BORCS5: variants seen among roughly 807,000 people sequenced by gnomAD.
The protein encoded by BORCS5 is BLOC-1 related complex subunit 5.
BORCS5 carries 17 observed loss-of-function variants against 22.1 expected under a neutral mutation model. The observed-to-expected ratio is 0.77, with a 90% confidence interval of 0.53 to 1.15. The LOEUF (loss-of-function observed/expected upper bound fraction) is 1.15. Among genes scored for constraint, BORCS5 ranks in the 50% most tolerant of loss-of-function variants. The pLI is 0.00. For missense variants in BORCS5, 247 were observed against 253.2 expected (o/e 0.98, Z 0.17); for synonymous variants, 117 against 99.8 (o/e 1.17, Z -1.03).
At chr12:12,358,233 G>A (rs978843487) in intron 1 of BORCS5, among the ~76,000 whole-genome samples, 10 of 152,238 alleles carry the variant, frequency 6.6e-5, no homozygotes, top group African/African-American at 2.4e-4. Flanking sequence ...GGAGTGCTTT[G>A]GTTAAGCTCC....
At chr12:12,387,599 C>T (rs1194477344) in intron 2 of BORCS5, among the ~76,000 whole-genome samples, 3 of 151,436 alleles carry the variant, frequency 2.0e-5, no homozygotes, top group African/African-American at 7.3e-5. Flanking sequence ...GCATAGTGTT[C>T]CAGGTGTGGA....
chr12:12,376,235 C>CTT (rs538292018), intron 2 of BORCS5, among the ~76,000 whole-genome samples: 7 of 136,282 alleles, frequency 5.1e-5, no homozygotes, highest in African/African-American at 1.1e-4. Context: ...GCTCTTCAGT[C>CTT]TTTTTTTTTT....
At position 12,399,086 on chromosome 12, in the gene BORCS5, A is replaced by AG. The variant is rs1301596252; in HGVS notation, c.203-36536dup. Reference sequence around the variant, plus strand: ...CTTCCAGATTACCTCTGTGTGTTTCAGGGGGGCTAAAACAGTATGTGTTTT... The same window carrying AG: ...CTTCCAGATTACCTCTGTGTGTTTCAGGGGGGGCTAAAACAGTATGTGTTTT... On this transcript the variant is annotated intron_variant, in intron 2 of 3. Coordinates refer to ENST00000314565, the MANE Select transcript of BORCS5 (RefSeq NM_058169.6). 3.3e-5 allele frequency among the ~76,000 whole-genome samples: 5 copies of AG among 152,220 alleles called. No homozygotes were observed. In the East Asian group the frequency reaches 7.7e-4, roughly 24 times the overall value.
chr12:12,439,554 G>A (rs1248643451), intron 3 of BORCS5, among the ~76,000 whole-genome samples: 1 of 115,612 alleles, frequency 8.6e-6, no homozygotes, highest in African/African-American at 3.3e-5. Flanking sequence ...TTTGAGCTCA[G>A]GAGGCAGAGG....
At chr12:12,427,647 A>G (rs1305872130) in intron 2 of BORCS5, among the ~76,000 whole-genome samples, 1 of 152,196 alleles carries the variant, frequency 6.6e-6, no homozygotes, top group Non-Finnish European at 1.5e-5. Flanking sequence ...GGCTCCTATA[A>G]CAGAATACCA....
At chr12:12,361,468 T>C in intron 2 of BORCS5, 119 bp downstream of exon 2, 1 of 1,129,814 alleles carries the variant, frequency 8.9e-7, no homozygotes, top group Non-Finnish European at 1.3e-6. Flanking sequence ...TTTGCTTAAA[T>C]GGCATCTTCT....
rs1277647331 is a variant in BORCS5, at chr12:12,361,292, A to G, written c.145A>G (p.Asn49Asp). 3 of 1,614,184 alleles carry G rather than the reference A, an allele frequency of 1.9e-6. No individual in the cohort carries two copies. The highest frequency in any genetic ancestry group is 2.5e-6 in the Non-Finnish European group (3 of 1,180,036). ...QGSQASRNVS[N>D]DPDVIKLQEI... ...CTCCCAGGCCTCACGGAACGTCAGC[A>G]ACGATCCCGATGTCATCAAGTTGCA... is the stretch of plus-strand genomic sequence containing the variant. Residue 49 changes from asparagine (N) to aspartate (D), a missense_variant, in exon 2 of 4, where the codon AAC (asparagine) becomes GAC (aspartate). Transcript: ENST00000314565.
intron 2 of BORCS5, among the ~76,000 whole-genome samples, chr12:12,395,151 T>C (rs142183341): frequency 2.6e-5 from 4 of 151,614 alleles, no homozygotes; most frequent in African/African-American, 9.7e-5. Flanking sequence ...GGCAAGAGAG[T>C]CTGAGCAAAG....
chr12:12,417,861 C>T (rs1942009389), intron 2 of BORCS5, among the ~76,000 whole-genome samples: 2 of 151,856 alleles, frequency 1.3e-5, no homozygotes, highest in African/African-American at 4.8e-5. Context: ...GGGCTGGTCT[C>T]GAACTCCTGA....
At chr12:12,453,617 ATCTG>A (rs1393022288) in intron 3 of BORCS5, among the ~76,000 whole-genome samples, 1 of 152,234 alleles carries the variant, frequency 6.6e-6, no homozygotes. Flanking sequence ...CATTACTGGT[ATCTG>A]TCGGGGGTCT....
At chr12:12,430,083 A>G (rs921756376) in intron 2 of BORCS5, among the ~76,000 whole-genome samples, 10 of 152,000 alleles carry the variant, frequency 6.6e-5, no homozygotes, top group African/African-American at 2.4e-4. Context: ...TAAAAAGATA[A>G]GCAAAACGTG....
chr12:12,357,607 C>A, intron 1 of BORCS5, 98 bp downstream of exon 1: 3 of 1,321,780 alleles, frequency 2.3e-6, no homozygotes, highest in Non-Finnish European at 2.1e-6. Context: ...GACGGGAACG[C>A]ACAGAAAAAG....
In BORCS5 at chr12:12,441,510, C is replaced by T. The variant is rs151250682; in HGVS notation, c.360+5725C>T. Among the ~76,000 whole-genome samples, 444 of 151,466 alleles carry T rather than the reference C, an allele frequency of 2.9e-3. 3 individuals are homozygous for T. Among genetic ancestry groups the T allele is most frequent in the African/African-American group, 8.9e-3 (366 of 41,082 alleles). On this transcript the variant is annotated intron_variant, in intron 3 of 3. Coordinates refer to ENST00000314565, the MANE Select transcript of BORCS5 (RefSeq NM_058169.6). ...ATTCTTGGTACAGTTCTAGGGACCACGCCTGCCATGTAGTAGACACTGTAG... is the reference window on the plus strand; with the variant it reads ...ATTCTTGGTACAGTTCTAGGGACCATGCCTGCCATGTAGTAGACACTGTAG...
At chr12:12,446,169 C>T (rs1048274977) in intron 3 of BORCS5, among the ~76,000 whole-genome samples, 25 of 151,976 alleles carry the variant, frequency 1.6e-4, no homozygotes, top group Admixed American at 1.4e-3. Context: ...AGAATCCCTC[C>T]TTCAGAGACC....
intron 2 of BORCS5, among the ~76,000 whole-genome samples, chr12:12,420,013 G>T (rs1160621604): frequency 6.6e-6 from 1 of 151,966 alleles, no homozygotes; most frequent in Non-Finnish European, 1.5e-5. Context: ...CACTCTGATG[G>T]TAGTTTCTTT....
intron 3 of BORCS5, among the ~76,000 whole-genome samples, chr12:12,455,911 CTG>C (rs1339458022): frequency 1.1e-4 from 17 of 151,876 alleles, no homozygotes; most frequent in African/African-American, 3.6e-4. Flanking sequence ...ATTTTGTTAA[CTG>C]TGAAACACAG....
At chr12:12,458,654 C>G (rs1943042736) in intron 3 of BORCS5, among the ~76,000 whole-genome samples, 1 of 148,062 alleles carries the variant, frequency 6.8e-6, no homozygotes, top group Non-Finnish European at 1.5e-5. Flanking sequence ...TCTTGACTCA[C>G]TGCAACTTCT....
intron 2 of BORCS5, among the ~76,000 whole-genome samples, chr12:12,373,978 ATTC>A (rs1456676414): frequency 1.6e-4 from 19 of 116,770 alleles, no homozygotes; most frequent in Admixed American, 8.1e-4. Context: ...TGCAGAGAGT[ATTC>A]TTTTTTTTTT....
At chr12:12,451,395 C>A (rs1216706104) in intron 3 of BORCS5, among the ~76,000 whole-genome samples, 1 of 152,066 alleles carries the variant, frequency 6.6e-6, no homozygotes, top group Non-Finnish European at 1.5e-5. Flanking sequence ...TAAGGAATGC[C>A]GCACTTGTGA....
Sources: gnomAD v4.1 joint callset for allele counts (sites outside exome capture counted in the v4.1 genomes callset) on GRCh38, gnomAD v4.1.1 for gene constraint, MANE v1.5 for transcripts, NCBI Gene and HGNC (gene_info 2026-07-23, HGNC 2026-07-21) for gene names.